The following IL1RAPL1 variants were observed in gnomAD, a reference collection of about 807,000 sequenced individuals.
IL1RAPL1 encodes interleukin 1 receptor accessory protein like 1.
IL1RAPL1 carries 3 observed loss-of-function variants against 48.4 expected under a neutral mutation model. The observed-to-expected ratio is 0.06, with a 90% CI of 0.03 to 0.16. The LOEUF (loss-of-function observed/expected upper bound fraction) is 0.16. Among genes scored for constraint, IL1RAPL1 ranks in the 10% least tolerant of loss-of-function variants. IL1RAPL1 has a pLI of 1.00. For synonymous variants in IL1RAPL1, 185 were observed against 187.7 expected, an observed-to-expected ratio of 0.99 and a Z score of 0.12; for missense variants, 349 against 530.6, an observed-to-expected ratio of 0.66 and a Z score of 3.36.
rs1051020327 is a variant in IL1RAPL1, at chrX:29,587,921, A to G, written c.704-80509A>G. On this transcript the variant is annotated intron_variant, in intron 5 of 10. Transcript: ENST00000378993. ...CCCTCAGCTTTTCTCTATTCAAACT[A>G]TTGCAGGAAGTTCACTTGTACATTT... 3.6e-5 allele frequency among the ~76,000 whole-genome samples: 4 copies of G among 112,134 alleles called. No homozygotes were observed. In the East Asian group the frequency reaches 8.5e-4, roughly 24 times the overall value.
intron 5 of IL1RAPL1, among the ~76,000 whole-genome samples, chrX:29,486,929 T>C (rs1029300683): frequency 1.8e-5 from 2 of 111,806 alleles, no homozygotes; most frequent in African/African-American, 6.5e-5. Context: ...TAAACAATAC[T>C]GAATCACAAC....
chrX:28,695,490 C>G (rs972541809), intron 1 of IL1RAPL1, among the ~76,000 whole-genome samples: 7 of 111,916 alleles, frequency 6.3e-5, no homozygotes, highest in Non-Finnish European at 1.1e-4. Flanking sequence ...TAACTTTGCA[C>G]TGTAAGTTGG....
At chrX:28,761,285 C>A (rs780566433) in intron 1 of IL1RAPL1, among the ~76,000 whole-genome samples, 18 of 110,785 alleles carry the variant, frequency 1.6e-4, no homozygotes, top group South Asian at 7.7e-4. Flanking sequence ...GAAAATAAAT[C>A]ATTCTACCAA....
chrX:28,774,363 G>T (rs1936339749), intron 1 of IL1RAPL1, among the ~76,000 whole-genome samples: 1 of 111,571 alleles, frequency 9.0e-6, no homozygotes, highest in Admixed American at 9.6e-5. Flanking sequence ...TCAGGAATCT[G>T]GGCATGGATT....
intron 6 of IL1RAPL1, among the ~76,000 whole-genome samples, chrX:29,737,895 C>T (rs1363166890): frequency 8.9e-6 from 1 of 112,003 alleles, no homozygotes; most frequent in Non-Finnish European, 1.9e-5. Flanking sequence ...TAGAAAATTT[C>T]AGCTACAGAA....
At chrX:29,858,302 T>C (rs952950167) in intron 6 of IL1RAPL1, among the ~76,000 whole-genome samples, 1 of 111,772 alleles carries the variant, frequency 8.9e-6, no homozygotes, top group African/African-American at 3.3e-5. Flanking sequence ...AAAAACTCAA[T>C]ACATATCCGT....
At chrX:29,235,808 G>T (rs780521875) in intron 2 of IL1RAPL1, among the ~76,000 whole-genome samples, 1 of 112,211 alleles carries the variant, frequency 8.9e-6, no homozygotes, top group Non-Finnish European at 1.9e-5. Context: ...GGAAGTACAT[G>T]TGCTAGGCAG....
chrX:29,364,062 A>G (rs777487858), intron 3 of IL1RAPL1, among the ~76,000 whole-genome samples: 28 of 112,700 alleles, frequency 2.5e-4, no homozygotes, highest in Non-Finnish European at 4.3e-4. Context: ...CTGTTCCTAA[A>G]TCATGACTTC....
rs112972728 is a variant in IL1RAPL1 at position 28,912,000 on chromosome X, G to C, written c.82+122575G>C. ...AGTACTGATGGCAGTTCACCTTGAAGACAGTATGGTAACAATAACATACGA... is the reference window on the plus strand; with the variant it reads ...AGTACTGATGGCAGTTCACCTTGAACACAGTATGGTAACAATAACATACGA... On this transcript the variant is annotated intron_variant, in intron 2 of 10. Transcript: ENST00000378993. Among the ~76,000 whole-genome samples, 774 of 104,439 alleles carry C rather than the reference G, an allele frequency of 7.4e-3. 6 individuals carry two copies. The highest frequency in any genetic ancestry group is 0.028 in the Middle Eastern group (6 of 211). The allele number at this position is 104,439 out of a possible 115,157, so 90.7% of individuals were successfully genotyped here.
rs1934186466 is a variant in IL1RAPL1 at position 28,614,258 on chromosome X, C to T, written c.-25+26211C>T. On this transcript the variant is annotated intron_variant, in intron 1 of 10. Transcript: ENST00000378993. Reference sequence around the variant, plus strand: ...CATTTAAAAATTAATTTCCACAAAACCAAAGTGCTGAGATTTGACCAAATG... The same window carrying T: ...CATTTAAAAATTAATTTCCACAAAATCAAAGTGCTGAGATTTGACCAAATG... 2.7e-5 allele frequency among the ~76,000 whole-genome samples: 3 copies of T among 111,096 alleles called. No individual in the cohort carries two copies. The Admixed American group carries it at 2.9e-4, about 11-fold the overall frequency.
At chrX:28,972,049 C>T (rs1050904248) in intron 2 of IL1RAPL1, among the ~76,000 whole-genome samples, 1 of 110,608 alleles carries the variant, frequency 9.0e-6, no homozygotes, top group Admixed American at 9.7e-5. Context: ...TATTTACTTC[C>T]TTCTTTTATG....
chrX:28,726,557 A>G (rs147434054), intron 1 of IL1RAPL1, among the ~76,000 whole-genome samples: 41 of 111,777 alleles, frequency 3.7e-4, no homozygotes, highest in Non-Finnish European at 1.9e-4. Flanking sequence ...CTCCCTCACA[A>G]AAAATACGAT....
At chrX:29,100,890 A>G (rs1928322836) in intron 2 of IL1RAPL1, among the ~76,000 whole-genome samples, 1 of 112,159 alleles carries the variant, frequency 8.9e-6, no homozygotes, top group African/African-American at 3.2e-5. Context: ...AATAGTAACT[A>G]TTACTATTAT....
rs373732218 is a variant in IL1RAPL1 at position 28,803,777 on chromosome X, A to G, written c.82+14352A>G. 7.1e-5 allele frequency among the ~76,000 whole-genome samples: 8 copies of G among 112,318 alleles called. No homozygotes were observed. In the South Asian group the frequency reaches 2.9e-3, roughly 41 times the overall value. On this transcript the variant is annotated intron_variant, in intron 2 of 10. Transcript: ENST00000378993. ...GACAAAGTAACAGGTTGTGTACACCAATGTTAACAAGCATTTATTGAATTC... is the reference window on the plus strand; with the variant it reads ...GACAAAGTAACAGGTTGTGTACACCGATGTTAACAAGCATTTATTGAATTC...
At chrX:29,354,814 A>G (rs1019614440) in intron 3 of IL1RAPL1, among the ~76,000 whole-genome samples, 3 of 112,396 alleles carry the variant, frequency 2.7e-5, no homozygotes, top group Non-Finnish European at 3.8e-5. Context: ...ACCCTTCTAC[A>G]TTATTGGCTG....
chrX:29,644,758 G>A (rs767593608), intron 5 of IL1RAPL1, among the ~76,000 whole-genome samples: 84 of 111,800 alleles, frequency 7.5e-4, no homozygotes, highest in African/African-American at 6.8e-4. Context: ...GTAGAGATGG[G>A]ATTTCACCAT....
At chrX:28,959,298 A>C (rs1221025224) in intron 2 of IL1RAPL1, among the ~76,000 whole-genome samples, 2 of 111,148 alleles carry the variant, frequency 1.8e-5, no homozygotes, top group Non-Finnish European at 3.8e-5. Flanking sequence ...ATATTTTAAC[A>C]CTCTCATTTA....
intron 6 of IL1RAPL1, among the ~76,000 whole-genome samples, chrX:29,802,970 T>C (rs1436653250): frequency 2.2e-5 from 2 of 90,036 alleles, no homozygotes; most frequent in Non-Finnish European, 4.3e-5. Flanking sequence ...CATGTGTACA[T>C]ATATACATAC....
chrX:28,937,565 G>A lies in IL1RAPL1; in HGVS notation c.82+148140G>A, dbSNP rs143374505. Among the ~76,000 whole-genome samples the A allele has an allele frequency of 3.4e-3, 376 of 111,548 alleles. 3 individuals carry two copies. Among genetic ancestry groups the A allele is most frequent in the African/African-American group, 0.011 (350 of 30,765 alleles). Reference sequence around the variant, plus strand: ...ATAATTTTTACAATGTCTACATGCTGTCCTATAGCCTGGAATATGAGATTT... The same window carrying A: ...ATAATTTTTACAATGTCTACATGCTATCCTATAGCCTGGAATATGAGATTT... On this transcript the variant is annotated intron_variant, in intron 2 of 10. Transcript: ENST00000378993.
Sources: allele counts gnomAD v4.1 joint callset (sites outside exome capture counted in the v4.1 genomes callset), GRCh38; gene constraint gnomAD v4.1.1; transcripts MANE v1.5; gene names NCBI Gene and HGNC (gene_info 2026-07-23, HGNC 2026-07-21).